The following SIGLEC11 variants were observed in gnomAD, a reference collection of about 807,000 sequenced individuals.
SIGLEC11 encodes sialic acid binding Ig like lectin 11.
SIGLEC11 carries 47 observed loss-of-function variants against 61.2 expected under a neutral mutation model. The observed-to-expected ratio is 0.77, with a 90% confidence interval of 0.61 to 0.98. SIGLEC11 has a LOEUF of 0.98. Ranked by LOEUF, SIGLEC11 falls within the 50% of genes least tolerant of loss-of-function variation. The pLI, the probability that SIGLEC11 is intolerant of heterozygous loss-of-function variation, is 0.00. For synonymous variants in SIGLEC11, 278 were observed against 373.1 expected (o/e 0.75, Z 2.94); for missense variants, 610 against 870.3 (o/e 0.70, Z 3.76).
At position 49,958,861 on chromosome 19, in the gene SIGLEC11, A is replaced by G; in HGVS notation, c.1145T>C (p.Leu382Pro). 2 of 1,604,164 alleles carry G rather than the reference A, an allele frequency of 1.2e-6. No individual in the cohort carries two copies. The highest frequency in any genetic ancestry group is 1.1e-5 in the South Asian group (1 of 89,852). Residue 382 changes from leucine (L) to proline (P), a missense_variant, in exon 7 of 11, where the codon CTG becomes CCG. This residue lies in a region of SIGLEC11 where 432 missense variants were observed against 441.5 expected (regional missense o/e 0.98). Coordinates refer to ENST00000447370, the MANE Select transcript of SIGLEC11 (RefSeq NM_052884.3). ...NLGNGTSLPV[L>P]EGQSLRLVCV... Reference sequence around the variant, plus strand: ...GACCAGGCGCAGGCTTTGGCCCTCCAGGACCGGGAGGGATGTGCCGTTCCC... The same window carrying G: ...GACCAGGCGCAGGCTTTGGCCCTCCGGGACCGGGAGGGATGTGCCGTTCCC...
chr19:49,957,054 T>G (rs2076201414), intron 8 of SIGLEC11, among the ~76,000 whole-genome samples: 1 of 152,242 alleles, frequency 6.6e-6, no homozygotes, highest in Non-Finnish European at 1.5e-5. Flanking sequence ...GTTTTCATTT[T>G]GCAGAGGGTT....
chr19:49,950,035 G>A lies in SIGLEC11; in HGVS notation c.2032C>T (p.Pro678Ser), dbSNP rs780930006. Residue 678 changes from proline to serine, a missense_variant, in exon 11 of 11, where the codon CCC becomes TCC. Physicochemically the swap from Pro to Ser is moderately conservative, Grantham distance 74. This residue lies in a region of SIGLEC11 where 432 missense variants were observed against 441.5 expected (regional missense o/e 0.98). Transcript: ENST00000447370. ...YSEIKIHTGQ[P>S]LRGPGFGLQL... ...AGCCCAAAGCCTGGGCCCCTCAGGG[G>A]CTGTCCTGTGTGGATCTTGATCTCC... 2.5e-6 allele frequency: 4 copies of A among 1,589,442 alleles called. No individual in the cohort carries two copies. Among genetic ancestry groups the A allele is most frequent in the Non-Finnish European group, 3.4e-6 (4 of 1,164,354 alleles).
chr19:49,958,558 A>G lies in SIGLEC11; in HGVS notation c.1376T>C (p.Leu459Pro). Reference sequence around the variant, plus strand: ...CTCCCAGGAGCAGGAGGGGCCCAGCAGCTGTGGAGGGTCTGTGGGGAGGGA... The same window carrying G: ...CTCCCAGGAGCAGGAGGGGCCCAGCGGCTGTGGAGGGTCTGTGGGGAGGGA... ...LSLSVHYPPQ[L>P]LGPSCSWEAE... The change falls in exon 8 of 11, where the codon CTG (leucine) becomes CCG (proline). Residue 459 changes from leucine to proline, a missense_variant. By Grantham distance (98) the Leu-to-Pro change is moderately conservative. Around this residue, in one of 6 missense-constraint regions of SIGLEC11, gnomAD observed 432 missense variants for 441.5 expected, o/e 0.98. Coordinates refer to ENST00000447370, the MANE Select transcript of SIGLEC11 (RefSeq NM_052884.3). 2 of 1,576,724 alleles carry G rather than the reference A, an allele frequency of 1.3e-6. No homozygotes were observed. The highest frequency in any genetic ancestry group is 1.7e-6 in the Non-Finnish European group (2 of 1,162,610).
At chr19:49,960,491 T>C in intron 2 of SIGLEC11, 61 bp downstream of exon 2, 2 of 1,585,490 alleles carry the variant, frequency 1.3e-6, no homozygotes, top group South Asian at 1.1e-5. Flanking sequence ...GCTCAGCCCA[T>C]AGCCTGTCCC....
intron 8 of SIGLEC11, among the ~76,000 whole-genome samples, chr19:49,954,149 TAGCCCG>T (rs2076179234): frequency 6.6e-6 from 1 of 152,272 alleles, no homozygotes; most frequent in South Asian, 2.1e-4. Flanking sequence ...AAAACACTTG[TAGCCCG>T]AGCCAAAAAT....
chr19:49,959,732 A>T (rs1343964623), intron 4 of SIGLEC11, 41 bp downstream of exon 4: 2 of 506,808 alleles, frequency 3.9e-6, no homozygotes, highest in Non-Finnish European at 6.7e-6. Context: ...TTTCATCCCT[A>T]AAGAGGACTG....
intron 8 of SIGLEC11, among the ~76,000 whole-genome samples, chr19:49,952,971 T>C (rs2076168386): frequency 6.6e-6 from 1 of 152,362 alleles, no homozygotes. Flanking sequence ...GCGAGTCCAC[T>C]GAGCCGGTTT....
chr19:49,951,961 C>T lies in SIGLEC11; in HGVS notation c.1760G>A (p.Cys587Tyr), dbSNP rs2076161235. ...SCLVVFRVKI[C>Y]RKEARKRAAA... ...TGCCCTCTTGCGAGCTTCCTTCCTG[C>T]AGATCTTCACCCTGAGGGAGGAGGC... is the stretch of plus-strand genomic sequence containing the variant. The change falls in exon 10 of 11, where the codon TGC (cysteine) becomes TAC (tyrosine). Residue 587 changes from cysteine to tyrosine, a missense_variant. Cys to Tyr is a radical substitution (Grantham distance 194, BLOSUM62 -2). Transcript: ENST00000447370. This position sits in a 1 kb window ranked among gnomAD's most constrained non-coding sequence, Gnocchi z 4.6. The T allele has an allele frequency of 6.2e-7, 1 of 1,610,278 alleles. No homozygotes were observed. The highest frequency in any genetic ancestry group is 8.5e-7 in the Non-Finnish European group (1 of 1,178,808).
intron 7 of SIGLEC11, 21 bp downstream of exon 7, chr19:49,958,622 T>C (rs781409910): frequency 1.9e-6 from 3 of 1,572,058 alleles, no homozygotes; most frequent in Non-Finnish European, 2.6e-6. Context: ...GGGACCCAGG[T>C]GTCCCCTTTC....
Position 49,958,870 on chromosome 19 carries a change from A to T in SIGLEC11, c.1136T>A (p.Leu379His). The change falls in exon 7 of 11, where the codon CTC becomes CAC. Residue 379 changes from leucine (L) to histidine (H), a missense_variant. Physicochemically the swap from Leu to His is moderately conservative, Grantham distance 99 (BLOSUM62 -3). Coordinates refer to ENST00000447370, the MANE Select transcript of SIGLEC11 (RefSeq NM_052884.3). ...VLENLGNGTS[L>H]PVLEGQSLRL... ...CAGGCTTTGGCCCTCCAGGACCGGG[A>T]GGGATGTGCCGTTCCCGAGGTTTTC... The T allele has an allele frequency of 6.2e-7, 1 of 1,603,006 alleles. No individual in the cohort carries two copies. Among genetic ancestry groups the T allele is most frequent in the Non-Finnish European group, 8.5e-7 (1 of 1,174,312 alleles).
At chr19:49,950,472 A>C (rs2076152173) in intron 10 of SIGLEC11, among the ~76,000 whole-genome samples, 1 of 152,046 alleles carries the variant, frequency 6.6e-6, no homozygotes, top group African/African-American at 2.4e-5. Context: ...AATCCTCACC[A>C]CAATCCAGAC....
intron 8 of SIGLEC11, among the ~76,000 whole-genome samples, chr19:49,954,940 T>C (rs1600611560): frequency 6.6e-6 from 1 of 152,226 alleles, no homozygotes; most frequent in East Asian, 1.9e-4. Flanking sequence ...AAGCAATTAA[T>C]ATACGAAAAA....
In SIGLEC11 at chr19:49,958,694, C is replaced by G. The variant is rs371066318; in HGVS notation, c.1312G>C (p.Ala438Pro). The G allele has an allele frequency of 6.8e-6, 11 of 1,611,476 alleles. No individual in the cohort carries two copies. The South Asian group carries it at 1.2e-4, about 18-fold the overall frequency. The change falls in exon 7 of 11, where the codon GCT becomes CCT. Residue 438 changes from alanine to proline, a missense_variant. Physicochemically the swap from Ala to Pro is conservative, Grantham distance 27. Around this residue, in one of 6 missense-constraint regions of SIGLEC11, gnomAD observed 432 missense variants for 441.5 expected, o/e 0.98. Coordinates refer to ENST00000447370, the MANE Select transcript of SIGLEC11 (RefSeq NM_052884.3). ...TGCTGGGAGCCCAGAGGGTGCTGAGCGTGGCAGGTGAACTCTCCTTCGTGC... is the reference window on the plus strand; with the variant it reads ...TGCTGGGAGCCCAGAGGGTGCTGAGGGTGGCAGGTGAACTCTCCTTCGTGC... The part of the protein sequence containing the change: ...MEHEGEFTCH[A>P]QHPLGSQHVS...
chr19:49,955,641 GAAAAA>G lies in SIGLEC11; in HGVS notation c.1651+2637_1651+2641del, dbSNP rs2076190660. On this transcript the variant is annotated intron_variant, in intron 8 of 10. Coordinates refer to ENST00000447370, the MANE Select transcript of SIGLEC11 (RefSeq NM_052884.3). The surrounding 1 kb of genome is among the most constrained non-coding windows in gnomAD (Gnocchi z 4.5). ...CTGTTGGCAGCAGCCCTCATAAAAA[GAAAAA>G]TTAGCAGGCCGGGCATGGCGGCTCA... is the stretch of plus-strand genomic sequence containing the variant. Among the ~76,000 whole-genome samples the G allele has an allele frequency of 6.6e-6, 1 of 152,146 alleles. No individual in the cohort carries two copies. Among genetic ancestry groups the G allele is most frequent in the African/African-American group, 2.4e-5 (1 of 41,434 alleles).
At position 49,949,084 on chromosome 19, in the gene SIGLEC11, G is replaced by A. The variant is rs4802641; in HGVS notation, c.*886C>T. On this transcript the variant is annotated 3_prime_UTR_variant, in exon 11 of 11. Coordinates refer to ENST00000447370, the MANE Select transcript of SIGLEC11 (RefSeq NM_052884.3). ...CGGCTCACTGCAACCTCCACCTCCC[G>A]GGTTCAACCAATTCTCTGCCTAGTC... 0.023 allele frequency: 3,527 copies of A among 151,826 alleles called. 359 individuals carry two copies. In the East Asian group the frequency reaches 0.28, roughly 12 times the overall value. The allele number at this position is 151,826 out of a possible 1,614,324, so 9.4% of individuals were successfully genotyped here.
At chr19:49,954,113 T>A (rs545226733) in intron 8 of SIGLEC11, among the ~76,000 whole-genome samples, 9 of 152,238 alleles carry the variant, frequency 5.9e-5, no homozygotes, top group African/African-American at 2.2e-4. Flanking sequence ...CTAACCTGGA[T>A]CAAGCCCTGT....
intron 10 of SIGLEC11, among the ~76,000 whole-genome samples, chr19:49,950,464 T>C (rs770552428): frequency 3.9e-5 from 6 of 152,008 alleles, no homozygotes; most frequent in Non-Finnish European, 5.9e-5. Context: ...ACTCATAAAA[T>C]CCTCACCACA....
chr19:49,952,073 A>C (rs2076161924), intron 9 of SIGLEC11, 101 bp from the exon 10 acceptor site: 1 of 1,256,556 alleles, frequency 8.0e-7, no homozygotes, highest in Admixed American at 2.5e-5. Context: ...TGCAGAGCCC[A>C]GTGGGGTGGG....
At position 49,952,353 on chromosome 19, in the gene SIGLEC11, G is replaced by C; in HGVS notation, c.1693C>G (p.Leu565Val). Residue 565 changes from leucine (L) to valine (V), a missense_variant, in exon 9 of 11, where the codon CTG (leucine) becomes GTG (valine). Physicochemically the swap from Leu to Val is conservative, Grantham distance 32. Around this residue, in one of 6 missense-constraint regions of SIGLEC11, gnomAD observed 432 missense variants for 441.5 expected, o/e 0.98. Coordinates refer to ENST00000447370, the MANE Select transcript of SIGLEC11 (RefSeq NM_052884.3). ...AGCAGGGCAGCGACGCCAGCTCCCA[G>C]GGCAGCCCCCAGGCCAAGTCCTCCC... ...HGGGLGLGAA[L>V]GAGVAALLAF... 6 of 1,610,170 alleles carry C rather than the reference G, an allele frequency of 3.7e-6. No homozygotes were observed. Among genetic ancestry groups the C allele is most frequent in the Non-Finnish European group, 5.1e-6 (6 of 1,179,964 alleles).
Sources: allele counts gnomAD v4.1 joint callset (sites outside exome capture counted in the v4.1 genomes callset), GRCh38; gene constraint gnomAD v4.1.1; regional missense constraint gnomAD v4.1.1; non-coding constraint Gnocchi (gnomAD v3.1); transcripts MANE v1.5; gene names NCBI Gene and HGNC (gene_info 2026-07-23, HGNC 2026-07-21).